Variants in CD72 observed in about 807,000 individuals in gnomAD.
CD72 encodes the protein CD72 molecule, also known as B-cell differentiation antigen CD72.
Under a neutral mutation model 50.7 loss-of-function variants are expected in CD72, and 28 were observed. That is an observed-to-expected ratio of 0.55 (90% CI 0.41 to 0.76). The LOEUF (loss-of-function observed/expected upper bound fraction) is 0.76, where lower values mean the gene tolerates loss of function less well. Among genes scored for constraint, CD72 ranks in the 30% least tolerant of loss-of-function variants. CD72 has a pLI of 0.00. For synonymous variants in CD72, 176 were observed against 171.2 expected, an observed-to-expected ratio of 1.03 and a Z score of -0.22; for missense variants, 403 against 420.6, an observed-to-expected ratio of 0.96 and a Z score of 0.37.
intron 1 of CD72, among the ~76,000 whole-genome samples, chr9:35,645,406 AC>A (rs1823382341): frequency 6.6e-6 from 1 of 151,676 alleles, no homozygotes; most frequent in African/African-American, 2.4e-5. Context: ...ACACGGTGAA[AC>A]CCCGTCTCTA....
At chr9:35,631,428 T>C (rs1823244989) in intron 1 of CD72, among the ~76,000 whole-genome samples, 1 of 152,338 alleles carries the variant, frequency 6.6e-6, no homozygotes, top group Middle Eastern at 3.4e-3. Context: ...TGTTTCACCA[T>C]TGAGAACCAT....
chr9:35,615,216 T>G (rs1483408038), intron 5 of CD72, among the ~76,000 whole-genome samples: 2 of 152,162 alleles, frequency 1.3e-5, no homozygotes, highest in Non-Finnish European at 2.9e-5. Context: ...ATAATCTTGC[T>G]GTCTTATGCC....
At chr9:35,636,634 C>T (rs950136775) in intron 1 of CD72, among the ~76,000 whole-genome samples, 1 of 152,220 alleles carries the variant, frequency 6.6e-6, no homozygotes, top group Non-Finnish European at 1.5e-5. Context: ...TCCAAAGACC[C>T]TCTTCACCTA....
upstream of CD72, chr9:35,618,874 G>T: frequency 2.7e-6 from 2 of 730,798 alleles, no homozygotes; most frequent in Non-Finnish European, 4.0e-6. Flanking sequence ...GCCTGGGCCA[G>T]AGGTGAAGGT....
chr9:35,614,018 CAAAA>C (rs779396827), intron 5 of CD72, among the ~76,000 whole-genome samples: 2 of 94,732 alleles, frequency 2.1e-5, no homozygotes, highest in African/African-American at 4.0e-5. Context: ...GACTCCGCCT[CAAAA>C]AAAAAAAAAA....
chr9:35,633,207 G>T (rs558889865), intron 1 of CD72, among the ~76,000 whole-genome samples: 5 of 150,770 alleles, frequency 3.3e-5, no homozygotes, highest in African/African-American at 9.7e-5. Context: ...TTCCCAAAGC[G>T]CTGGGATTAC....
At chr9:35,641,873 T>C (rs1441643242) in intron 1 of CD72, among the ~76,000 whole-genome samples, 3 of 152,228 alleles carry the variant, frequency 2.0e-5, no homozygotes, top group Admixed American at 6.5e-5. Context: ...AGATGTTTGA[T>C]AGGTGTTTCC....
In CD72 at chr9:35,610,329, A is replaced by G. The variant is rs1205552613; in HGVS notation, c.*23-29T>C. The stretch of plus-strand genomic sequence containing the variant: ...GAAAAGTAAAGTATCAGTGAGCTCC[A>G]TGGTTGACTTAACTGAACCCTCATC... On this transcript the variant is annotated intron_variant, in intron 8 of 8. Transcript: ENST00000259633. 4 of 324,580 alleles carry G rather than the reference A, an allele frequency of 1.2e-5. No homozygotes were observed. The East Asian group carries it at 1.8e-4, about 14-fold the overall frequency. 20.1% of individuals were successfully genotyped at this position (324,580 alleles called of 1,614,324 possible).
In CD72 at chr9:35,617,223, G is replaced by A. The variant is rs746093837; in HGVS notation, c.215C>T (p.Ala72Val). The A allele has an allele frequency of 3.2e-6, 5 of 1,565,100 alleles. No homozygotes were observed. Among genetic ancestry groups the A allele is most frequent in the African/African-American group, 1.4e-5 (1 of 73,604 alleles). The change falls in exon 3 of 9, where the codon GCG (alanine) becomes GTG (valine). Residue 72 changes from alanine to valine, a missense_variant. By Grantham distance (64) the Ala-to-Val change is moderately conservative. Transcript: ENST00000259633. Reference protein sequence around the residue: ...KAAVKSEQPTASWRAVTSPAV... With the variant: ...KAAVKSEQPTVSWRAVTSPAV... ...TGGTGACGTCACGGCTCTCCAGGAC[G>A]CAGTTGGCTGCTCCGACTTGACCGC...
rs376092798 is a variant in CD72 at position 35,610,661 on chromosome 9, T to G, written c.1043A>C (p.Tyr348Ser). The change falls in exon 8 of 9, where the codon TAC becomes TCC. Residue 348 changes from tyrosine (Y) to serine (S), a missense_variant. Physicochemically the swap from Tyr to Ser is moderately radical, Grantham distance 144. Transcript: ENST00000259633. ...ESESCRSSLP[Y>S]ICEMTAFRFP... Reference sequence around the variant, plus strand: ...CCTGAAAGCTGTCATCTCACAGATGTAGGGAAGAGAACTTCTACATGACTC... The same window carrying G: ...CCTGAAAGCTGTCATCTCACAGATGGAGGGAAGAGAACTTCTACATGACTC... The G allele has an allele frequency of 6.2e-7, 1 of 1,613,950 alleles. No individual in the cohort carries two copies. Among genetic ancestry groups the G allele is most frequent in the Non-Finnish European group, 8.5e-7 (1 of 1,179,812 alleles).
At chr9:35,618,927 C>G, upstream of CD72, 1 of 379,366 alleles carries the variant, frequency 2.6e-6, no homozygotes, top group Non-Finnish European at 5.0e-6. Flanking sequence ...AGGCAAGTGG[C>G]AGCACTGCCC....
chr9:35,616,448 C>G, intron 4 of CD72, 152 bp downstream of exon 4: 1 of 842,796 alleles, frequency 1.2e-6, no homozygotes, highest in Non-Finnish European at 2.0e-6. Context: ...GAGGACAATT[C>G]AGGAAGACAA....
intron 2 of CD72, 74 bp from the exon 3 acceptor site, chr9:35,617,321 G>A (rs1452630318): frequency 1.4e-6 from 2 of 1,469,734 alleles, no homozygotes; most frequent in African/African-American, 2.8e-5. Flanking sequence ...CACCCGCTTC[G>A]CCCTCGCCAC....
At chr9:35,622,584 C>T (rs971969484), upstream of CD72, among the ~76,000 whole-genome samples, 34 of 151,952 alleles carry the variant, frequency 2.2e-4, 1 homozygote, top group African/African-American at 8.2e-4. Context: ...GTCAGAATTT[C>T]GAGACCAGCC....
intron 1 of CD72, among the ~76,000 whole-genome samples, chr9:35,629,504 G>C (rs937812968): frequency 6.6e-6 from 1 of 152,138 alleles, no homozygotes; most frequent in Non-Finnish European, 1.5e-5. Flanking sequence ...TTAGTACACA[G>C]AATTGCTCTT....
chr9:35,641,714 G>T (rs975542873), intron 1 of CD72, among the ~76,000 whole-genome samples: 1 of 152,078 alleles, frequency 6.6e-6, no homozygotes, highest in Non-Finnish European at 1.5e-5. Context: ...TCTAATGGAG[G>T]GTCCTGCCTT....
At chr9:35,610,526 CCCCTGCTCTGAGT>C (rs3831303) in intron 8 of CD72, 63 bp downstream of exon 8, 624,956 of 1,169,362 alleles carry the variant, frequency 0.53, 159,814 homozygotes, top group East Asian at 0.61. Flanking sequence ...GGCCCCTGGG[CCCCTGCTCTGAGT>C]CCCTGCTCTG....
rs778705530 is a variant in CD72, at chr9:35,616,154, C to T, written c.477G>A (p.Gly159=). The T allele has an allele frequency of 6.2e-7, 1 of 1,614,182 alleles. No homozygotes were observed. The highest frequency in any genetic ancestry group is 1.1e-5 in the South Asian group (1 of 91,080). ...QLGQSAEDLQ[G]SRRELAQSQE... is the part of the protein sequence containing the mutation. ...GACTCTGCGCCAGCTCTCTCCTGGA[C>T]CCCTGCAGATCCTCTGCACTCTGTC... Residue 159 remains glycine, a synonymous_variant, in exon 5 of 9, where the codon GGG becomes GGA. Coordinates refer to ENST00000259633, the MANE Select transcript of CD72 (RefSeq NM_001782.3).
chr9:35,645,534 G>A (rs917337705), intron 1 of CD72, among the ~76,000 whole-genome samples: 13 of 151,354 alleles, frequency 8.6e-5, no homozygotes, highest in African/African-American at 2.7e-4. Context: ...GTGAGCCGAG[G>A]TTGCACCACT....
Sources: gnomAD v4.1 joint callset for allele counts (sites outside exome capture counted in the v4.1 genomes callset) on GRCh38, gnomAD v4.1.1 for gene constraint, MANE v1.5 for transcripts, NCBI Gene and HGNC (gene_info 2026-07-23, HGNC 2026-07-21) for gene names.